Variants in MRPL1 observed in about 807,000 individuals in gnomAD.
MRPL1 encodes mitochondrial ribosomal protein L1, also known as large ribosomal subunit protein uL1m.
Under a neutral mutation model 38.0 loss-of-function variants are expected in MRPL1, and 28 were observed. That is an observed-to-expected ratio of 0.74 (90% CI 0.55 to 1.01). The LOEUF (loss-of-function observed/expected upper bound fraction) is 1.01, where lower values mean the gene tolerates loss of function less well. MRPL1 is among the 50% of genes least tolerant of loss of function. MRPL1 has a pLI of 0.00. For missense variants in MRPL1, 358 were observed against 389.8 expected, an observed-to-expected ratio of 0.92 and a Z score of 0.69; for synonymous variants, 123 against 126.7, an observed-to-expected ratio of 0.97 and a Z score of 0.20.
Position 77,952,682 on chromosome 4 carries a change from C to A in MRPL1, c.*75C>A. On this transcript the variant is annotated 3_prime_UTR_variant, in exon 9 of 9. Coordinates refer to ENST00000315567, the MANE Select transcript of MRPL1 (RefSeq NM_020236.4). ...AAATGATAATACAGCATAATTTTTA[C>A]ATTTGATGTCTTGTTATTGATCATA... The A allele has an allele frequency of 1.1e-6, 1 of 871,808 alleles. No homozygotes were observed. Among genetic ancestry groups the A allele is most frequent in the East Asian group, 2.6e-5 (1 of 38,486 alleles). 54.0% of individuals were successfully genotyped at this position (871,808 alleles called of 1,614,324 possible).
chr4:77,927,113 G>T (rs1736731123), intron 7 of MRPL1, among the ~76,000 whole-genome samples: 1 of 151,796 alleles, frequency 6.6e-6, no homozygotes. Flanking sequence ...AGAAAGACAT[G>T]AAAGATAGAA....
At chr4:77,881,743 G>C (rs1191164975) in intron 2 of MRPL1, among the ~76,000 whole-genome samples, 1 of 152,078 alleles carries the variant, frequency 6.6e-6, no homozygotes, top group Non-Finnish European at 1.5e-5. Flanking sequence ...GCTTGGCCCA[G>C]TATTTAGCTT....
chr4:77,939,760 G>A (rs1737074269), intron 7 of MRPL1, among the ~76,000 whole-genome samples: 1 of 152,126 alleles, frequency 6.6e-6, no homozygotes, highest in Non-Finnish European at 1.5e-5. Flanking sequence ...TTCTACATGT[G>A]GCTTGCCAGT....
rs181233703 is a variant in MRPL1, at chr4:77,922,775, A to G, written c.777+13403A>G. The stretch of plus-strand genomic sequence containing the variant: ...AATGAAGTTGCTTCTAATTGATAGG[A>G]AAGATTACAAAGCAGAGTAAATGAA... On this transcript the variant is annotated intron_variant, in intron 7 of 8. Coordinates refer to ENST00000315567, the MANE Select transcript of MRPL1 (RefSeq NM_020236.4). Among the ~76,000 whole-genome samples the G allele has an allele frequency of 2.0e-5, 3 of 152,328 alleles. No individual in the cohort carries two copies. In the East Asian group the frequency reaches 5.8e-4, roughly 29 times the overall value.
chr4:77,888,763 G>A (rs1242301581), intron 5 of MRPL1, among the ~76,000 whole-genome samples: 1 of 151,986 alleles, frequency 6.6e-6, no homozygotes, highest in Non-Finnish European at 1.5e-5. Flanking sequence ...TGCACAGCAT[G>A]CAGGTTTGTT....
chr4:77,893,493 T>G (rs1363825073), intron 5 of MRPL1, among the ~76,000 whole-genome samples: 1 of 151,896 alleles, frequency 6.6e-6, no homozygotes, highest in Non-Finnish European at 1.5e-5. Flanking sequence ...TTATTTTAGG[T>G]GCTTGCCTGA....
chr4:77,911,631 A>G lies in MRPL1; in HGVS notation c.777+2259A>G, dbSNP rs538801767. 2.6e-5 allele frequency among the ~76,000 whole-genome samples: 4 copies of G among 152,226 alleles called. No homozygotes were observed. In the East Asian group the frequency reaches 7.7e-4, roughly 29 times the overall value. On this transcript the variant is annotated intron_variant, in intron 7 of 8. Transcript: ENST00000315567. ...ATTTCCCATTTCTCCTGTATATAAA[A>G]TCATGGTAATAATATGTACCTTCTA... is the stretch of plus-strand genomic sequence containing the variant.
At chr4:77,930,586 A>G (rs1736821757) in intron 7 of MRPL1, among the ~76,000 whole-genome samples, 1 of 152,198 alleles carries the variant, frequency 6.6e-6, no homozygotes, top group South Asian at 2.1e-4. Context: ...TTAGCAGAGA[A>G]ATTTGACTAC....
At chr4:77,925,444 C>T (rs893568860) in intron 7 of MRPL1, among the ~76,000 whole-genome samples, 6 of 150,350 alleles carry the variant, frequency 4.0e-5, no homozygotes, top group Admixed American at 1.3e-4. Flanking sequence ...CTCCACCTCC[C>T]GGGTTCACAC....
chr4:77,923,156 C>T (rs979821558), intron 7 of MRPL1, among the ~76,000 whole-genome samples: 7 of 152,156 alleles, frequency 4.6e-5, no homozygotes, highest in East Asian at 1.9e-4. Flanking sequence ...AGTGCAGTGG[C>T]GTGATCTTGG....
chr4:77,930,504 T>C (rs1463240780), intron 7 of MRPL1, among the ~76,000 whole-genome samples: 1 of 152,232 alleles, frequency 6.6e-6, no homozygotes, highest in African/African-American at 2.4e-5. Context: ...GGGAATCTAA[T>C]GCCTGATGAT....
chr4:77,914,308 G>A (rs1736366288), intron 7 of MRPL1, among the ~76,000 whole-genome samples: 1 of 152,054 alleles, frequency 6.6e-6, no homozygotes, highest in Non-Finnish European at 1.5e-5. Context: ...GCATAGGAGG[G>A]GTGGGAGGAA....
intron 7 of MRPL1, among the ~76,000 whole-genome samples, chr4:77,936,274 T>C (rs1171283427): frequency 6.6e-6 from 1 of 152,120 alleles, no homozygotes; most frequent in Admixed American, 6.5e-5. Context: ...TGCAAAGTAT[T>C]TTAATAGCTG....
At chr4:77,872,818 G>A (rs537175634) in intron 2 of MRPL1, among the ~76,000 whole-genome samples, 3 of 152,104 alleles carry the variant, frequency 2.0e-5, no homozygotes, top group South Asian at 2.1e-4. Flanking sequence ...AGCCGAGATC[G>A]CACCACTGTG....
intron 6 of MRPL1, among the ~76,000 whole-genome samples, chr4:77,895,718 G>A (rs1450022089): frequency 2.6e-5 from 4 of 152,032 alleles, no homozygotes; most frequent in African/African-American, 9.7e-5. Context: ...GGACTTTCCA[G>A]TTCTTTTGTT....
At chr4:77,875,369 T>G (rs562777781) in intron 2 of MRPL1, among the ~76,000 whole-genome samples, 6 of 152,030 alleles carry the variant, frequency 3.9e-5, no homozygotes, top group African/African-American at 1.4e-4. Flanking sequence ...AGATAGAATT[T>G]TGCAGGGGGC....
intron 7 of MRPL1, among the ~76,000 whole-genome samples, chr4:77,933,233 C>A (rs1455284433): frequency 2.0e-5 from 3 of 152,188 alleles, no homozygotes; most frequent in Admixed American, 2.0e-4. Context: ...GTGTGAGCCA[C>A]CACACCCAGC....
Position 77,893,926 on chromosome 4 carries a change from T to G in MRPL1, c.559-213T>G, listed in dbSNP as rs1389724763. Among the ~76,000 whole-genome samples the G allele has an allele frequency of 5.3e-5, 8 of 152,184 alleles. No homozygotes were observed. In the East Asian group the frequency reaches 1.5e-3, roughly 29 times the overall value. Reference sequence around the variant, plus strand: ...AAAGGAAGAAACCATTAATTTTTTTTTTTAAGGATGTGGCTGTTTTTAAAG... The same window carrying G: ...AAAGGAAGAAACCATTAATTTTTTTGTTTAAGGATGTGGCTGTTTTTAAAG... On this transcript the variant is annotated intron_variant, in intron 5 of 8. Coordinates refer to ENST00000315567, the MANE Select transcript of MRPL1 (RefSeq NM_020236.4).
chr4:77,948,209 C>T (rs1029206322), intron 7 of MRPL1, among the ~76,000 whole-genome samples: 2 of 151,876 alleles, frequency 1.3e-5, no homozygotes, highest in African/African-American at 2.4e-5. Context: ...AGGTCTTTAG[C>T]GGGGGGTGTA....
Sources: gnomAD v4.1 joint callset for allele counts (sites outside exome capture counted in the v4.1 genomes callset) on GRCh38, gnomAD v4.1.1 for gene constraint, MANE v1.5 for transcripts, NCBI Gene and HGNC (gene_info 2026-07-23, HGNC 2026-07-21) for gene names.